GRID1: variants seen among roughly 807,000 people sequenced by gnomAD.
GRID1 encodes the protein glutamate receptor ionotropic, delta-1.
Under a neutral mutation model 98.0 loss-of-function variants are expected in GRID1, and 28 were observed. The observed-to-expected ratio is 0.29, with a 90% CI of 0.21 to 0.39. GRID1 has a LOEUF of 0.39. Among genes scored for constraint, GRID1 ranks in the 10% least tolerant of loss-of-function variants. GRID1 has a pLI of 1.00. For missense variants in GRID1, 1,111 were observed against 1,340.5 expected, an observed-to-expected ratio of 0.83 and a Z score of 2.67; for synonymous variants, 553 against 538.5, an observed-to-expected ratio of 1.03 and a Z score of -0.37.
intron 4 of GRID1, among the ~76,000 whole-genome samples, chr10:86,072,411 C>T (rs1020705814): frequency 2.0e-5 from 3 of 152,054 alleles, no homozygotes; most frequent in South Asian, 2.1e-4. Flanking sequence ...TCGGGCCAGT[C>T]GATGTTTTTT....
chr10:86,064,311 C>T (rs888517254), intron 4 of GRID1, among the ~76,000 whole-genome samples: 1 of 152,186 alleles, frequency 6.6e-6, no homozygotes, highest in Non-Finnish European at 1.5e-5. Context: ...TCCAAAGACC[C>T]TCTCAGGACA....
chr10:85,788,221 G>T (rs1842447824), intron 8 of GRID1, among the ~76,000 whole-genome samples: 1 of 152,092 alleles, frequency 6.6e-6, no homozygotes, highest in African/African-American at 2.4e-5. Flanking sequence ...TCCTTTCATG[G>T]TTTGCTCTTT....
intron 4 of GRID1, among the ~76,000 whole-genome samples, chr10:86,000,826 A>G (rs558163692): frequency 6.6e-6 from 1 of 152,338 alleles, no homozygotes; most frequent in East Asian, 1.9e-4. Flanking sequence ...AGTTAAATAC[A>G]CACTTACCAT....
chr10:86,123,572 G>T (rs1435526483), intron 4 of GRID1, among the ~76,000 whole-genome samples: 3 of 152,228 alleles, frequency 2.0e-5, no homozygotes, highest in Non-Finnish European at 4.4e-5. Context: ...CTGGGGAGGC[G>T]AGGCCCTGCA....
intron 4 of GRID1, among the ~76,000 whole-genome samples, chr10:86,051,078 CA>C (rs547012473): frequency 2.6e-4 from 37 of 139,646 alleles, no homozygotes; most frequent in East Asian, 4.1e-4. Flanking sequence ...AACTCCGTCT[CA>C]AAAAAAAAAT....
chr10:85,757,335 T>C (rs1015001924), intron 8 of GRID1, among the ~76,000 whole-genome samples: 2 of 152,266 alleles, frequency 1.3e-5, no homozygotes, highest in Non-Finnish European at 2.9e-5. Flanking sequence ...CTACTGCTGC[T>C]GCTGTTGTGA....
intron 4 of GRID1, among the ~76,000 whole-genome samples, chr10:86,058,569 C>T (rs189737596): frequency 6.6e-5 from 10 of 152,324 alleles, no homozygotes; most frequent in South Asian, 6.2e-4. Flanking sequence ...AAGTTCTGGG[C>T]ATCCATGTAC....
At chr10:85,769,702 C>A (rs1290565557) in intron 8 of GRID1, among the ~76,000 whole-genome samples, 1 of 152,182 alleles carries the variant, frequency 6.6e-6, no homozygotes, top group East Asian at 1.9e-4. Context: ...GGTCCTACAC[C>A]CACGGAGTCT....
At chr10:85,703,636 T>C (rs750083665) in intron 12 of GRID1, among the ~76,000 whole-genome samples, 2 of 152,092 alleles carry the variant, frequency 1.3e-5, no homozygotes, top group African/African-American at 2.4e-5. Context: ...CATGTATTTT[T>C]AAGCCTAAAG....
chr10:86,101,927 T>G (rs964614725), intron 4 of GRID1, among the ~76,000 whole-genome samples: 1 of 152,246 alleles, frequency 6.6e-6, no homozygotes, highest in East Asian at 1.9e-4. Flanking sequence ...TACCACAGTT[T>G]GTTATCCATT....
intron 3 of GRID1, among the ~76,000 whole-genome samples, chr10:86,194,933 G>C (rs1272103936): frequency 1.3e-5 from 2 of 152,054 alleles, no homozygotes; most frequent in African/African-American, 2.4e-5. Flanking sequence ...TGCCTGCCTT[G>C]CTCTCCTCCT....
In GRID1 at chr10:85,997,168, G is replaced by A. The variant is rs576304581; in HGVS notation, c.727-80929C>T. Among the ~76,000 whole-genome samples the A allele has an allele frequency of 1.2e-4, 19 of 152,320 alleles. 1 individual carries two copies. Among genetic ancestry groups the A allele is most frequent in the African/African-American group, 4.1e-4 (17 of 41,572 alleles). On this transcript the variant is annotated intron_variant, in intron 4 of 15. Coordinates refer to ENST00000327946, the MANE Select transcript of GRID1 (RefSeq NM_017551.3). Reference sequence around the variant, plus strand: ...TGTAATCTCAGCACTTTGGGAGGCCGAAGAGGGTTGATCACAAAGTCAGGA... The same window carrying A: ...TGTAATCTCAGCACTTTGGGAGGCCAAAGAGGGTTGATCACAAAGTCAGGA...
intron 2 of GRID1, among the ~76,000 whole-genome samples, chr10:86,324,513 AC>A (rs1472634413): frequency 6.6e-6 from 1 of 152,164 alleles, no homozygotes; most frequent in Non-Finnish European, 1.5e-5. Flanking sequence ...GGGATGCCAA[AC>A]GCCCTGTGGT....
chr10:86,291,730 G>C (rs1381557977), intron 2 of GRID1, among the ~76,000 whole-genome samples: 2 of 152,190 alleles, frequency 1.3e-5, no homozygotes, highest in Non-Finnish European at 2.9e-5. Context: ...GTGGGAATGA[G>C]TACCACATCA....
intron 3 of GRID1, among the ~76,000 whole-genome samples, chr10:86,141,545 G>A (rs1393017762): frequency 1.3e-5 from 2 of 152,224 alleles, no homozygotes; most frequent in African/African-American, 4.8e-5. Flanking sequence ...ACCAGCAGTG[G>A]GCAGCTGTGC....
intron 2 of GRID1, among the ~76,000 whole-genome samples, chr10:86,213,462 T>A (rs1320000632): frequency 6.6e-6 from 1 of 152,116 alleles, no homozygotes; most frequent in East Asian, 1.9e-4. Flanking sequence ...CATCACAAGC[T>A]ATCTCGCATG....
chr10:85,867,135 G>C (rs1329313798), intron 6 of GRID1, among the ~76,000 whole-genome samples: 1 of 152,150 alleles, frequency 6.6e-6, no homozygotes, highest in African/African-American at 2.4e-5. Context: ...CAATGTGTCT[G>C]ATATGCAACC....
intron 4 of GRID1, among the ~76,000 whole-genome samples, chr10:86,002,601 T>A (rs532343758): frequency 6.6e-6 from 1 of 152,282 alleles, no homozygotes; most frequent in Non-Finnish European, 1.5e-5. Flanking sequence ...AACAAATGTC[T>A]CTCCACTTAC....
At chr10:86,178,157 G>A (rs74149098) in intron 3 of GRID1, among the ~76,000 whole-genome samples, 2,862 of 152,238 alleles carry the variant, frequency 0.019, 99 homozygotes, top group African/African-American at 0.064. Flanking sequence ...CAAAATCTTC[G>A]AGTGAGCAGT....
Sources: gnomAD v4.1 joint callset for allele counts (sites outside exome capture counted in the v4.1 genomes callset) on GRCh38, gnomAD v4.1.1 for gene constraint, MANE v1.5 for transcripts, NCBI Gene and HGNC (gene_info 2026-07-23, HGNC 2026-07-21) for gene names.